CEP290: variants seen among roughly 807,000 people sequenced by gnomAD.
CEP290 encodes the protein centrosomal protein 290.
A neutral mutation model predicts 344.9 loss-of-function variants in CEP290; 317 were observed. That is an observed-to-expected ratio of 0.92 (90% CI 0.84 to 1.01). The LOEUF (loss-of-function observed/expected upper bound fraction) is 1.01, where lower values mean the gene tolerates loss of function less well. CEP290 is among the 50% of genes least tolerant of loss of function. CEP290 has a pLI of 0.00. For missense variants in CEP290, 2,754 were observed against 2,761.4 expected, an observed-to-expected ratio of 1.00 and a Z score of 0.06; for synonymous variants, 932 against 895.8, an observed-to-expected ratio of 1.04 and a Z score of -0.72.
chr12:88,090,695 G>C (rs1291896979), intron 30 of CEP290, 33 bp downstream of exon 30: 1 of 1,277,036 alleles, frequency 7.8e-7, no homozygotes, highest in African/African-American at 1.5e-5. Flanking sequence ...GAAAAAAGTG[G>C]ATTCTATGTA....
chr12:88,070,563 A>G (rs1017440014), intron 43 of CEP290, among the ~76,000 whole-genome samples: 3 of 152,144 alleles, frequency 2.0e-5, no homozygotes, highest in Non-Finnish European at 4.4e-5. Flanking sequence ...GGGAACTCAC[A>G]GAAGCTAATA....
At position 88,139,415 on chromosome 12, in the gene CEP290, A is replaced by G. The variant is rs1592700968; in HGVS notation, c.250+80T>C. 9.7e-6 allele frequency: 8 copies of G among 820,894 alleles called. No homozygotes were observed. In the East Asian group the frequency reaches 2.6e-4, roughly 26 times the overall value. 50.9% of individuals were successfully genotyped at this position (820,894 alleles called of 1,614,324 possible). A position where few individuals can be genotyped will look rare whatever the true frequency, so the allele number is the denominator to read the frequency against. On this transcript the variant is annotated intron_variant, in intron 4 of 53. Coordinates refer to ENST00000552810, the MANE Select transcript of CEP290 (RefSeq NM_025114.4). Reference sequence around the variant, plus strand: ...ACTGAATATATATATTTTATAGAATATAATTTAATTTTCTACAGTTTAATG... The same window carrying G: ...ACTGAATATATATATTTTATAGAATGTAATTTAATTTTCTACAGTTTAATG...
intron 40 of CEP290, 75 bp from the exon 41 acceptor site, chr12:88,077,419 A>T: frequency 1.0e-6 from 1 of 999,158 alleles, no homozygotes; most frequent in South Asian, 1.8e-5. Flanking sequence ...TTTCAATTAT[A>T]TAATAGCAAC....
intron 31 of CEP290, 29 bp downstream of exon 31, chr12:88,089,003 A>T: frequency 1.2e-6 from 1 of 830,238 alleles, no homozygotes; most frequent in Admixed American, 3.5e-5. Flanking sequence ...ACTGTCTCTT[A>T]AAAAAAAAAA....
intron 22 of CEP290, among the ~76,000 whole-genome samples, chr12:88,110,582 G>GC (rs1178460982): frequency 6.6e-6 from 1 of 152,026 alleles, no homozygotes; most frequent in Non-Finnish European, 1.5e-5. Flanking sequence ...AGGGATGCAT[G>GC]CCTGTAGTCC....
intron 33 of CEP290, 42 bp downstream of exon 33, chr12:88,086,349 A>C (rs1330462782): frequency 6.7e-7 from 1 of 1,503,232 alleles, no homozygotes; most frequent in African/African-American, 1.4e-5. Flanking sequence ...TTAACACTCT[A>C]GACTATGCTA....
rs750018041 is a variant in CEP290, at chr12:88,136,756, T to G, written c.328A>C (p.Thr110Pro). Residue 110 changes from threonine to proline, a missense_variant, in exon 6 of 54, where the codon ACT (threonine) becomes CCT (proline). Thr to Pro is a conservative substitution (Grantham distance 38, BLOSUM62 -1). Transcript: ENST00000552810. ...CAAATTTCATTACGTAAAAACCGAG[T>G]ATCTCGTCCACCTGCAGACTGCTGA... ...MAQQSAGGRD[T>P]RFLRNEICQL... 1 of 1,613,692 alleles carries G rather than the reference T, an allele frequency of 6.2e-7. No homozygotes were observed. Among genetic ancestry groups the G allele is most frequent in the African/African-American group, 1.3e-5 (1 of 75,022 alleles).
In CEP290 at chr12:88,055,566, C is replaced by T. The variant is rs75011402; in HGVS notation, c.6960+10G>A. The stretch of plus-strand genomic sequence containing the variant: ...TATTTTATCATGTAAAGAAAAATTA[C>T]GTTACTTACCTGTTGTTCAAGGTCT... On this transcript the variant is annotated intron_variant, in intron 50 of 53. Coordinates refer to ENST00000552810, the MANE Select transcript of CEP290 (RefSeq NM_025114.4). The T allele has an allele frequency of 5.5e-4, 858 of 1,553,506 alleles. 4 individuals are homozygous for T. The African/African-American group carries it at 9.7e-3, about 18-fold the overall frequency.
intron 44 of CEP290, among the ~76,000 whole-genome samples, chr12:88,067,690 G>C (rs926446469): frequency 1.3e-5 from 2 of 151,866 alleles, no homozygotes; most frequent in African/African-American, 4.8e-5. Context: ...ACCAACCTTA[G>C]GATCATGGTT....
intron 15 of CEP290, among the ~76,000 whole-genome samples, chr12:88,119,610 C>T (rs1421436514): frequency 6.6e-6 from 1 of 152,074 alleles, no homozygotes; most frequent in Non-Finnish European, 1.5e-5. Context: ...ACCAGCCTAG[C>T]CAACATGGTG....
intron 29 of CEP290, among the ~76,000 whole-genome samples, chr12:88,091,626 A>G (rs973665088): frequency 2.6e-5 from 4 of 152,116 alleles, no homozygotes; most frequent in African/African-American, 9.7e-5. Context: ...GAACTATTAT[A>G]AGTTAGTTTA....
At chr12:88,064,291 G>A (rs930315269) in intron 44 of CEP290, among the ~76,000 whole-genome samples, 176 bp from the exon 45 acceptor site, 1 of 20,592 alleles carries the variant, frequency 4.9e-5, no homozygotes, top group Non-Finnish European at 1.4e-4. Flanking sequence ...AAAACTTGCA[G>A]AACAAAGGTA....
At chr12:88,120,897 T>A in intron 14 of CEP290, 100 bp downstream of exon 14, 1 of 905,998 alleles carries the variant, frequency 1.1e-6, no homozygotes, top group Non-Finnish European at 1.6e-6. Context: ...AAGATACTTA[T>A]GGAATGTTTT....
intron 26 of CEP290, among the ~76,000 whole-genome samples, chr12:88,101,773 T>C (rs947134389): frequency 6.6e-6 from 1 of 152,120 alleles, no homozygotes; most frequent in African/African-American, 2.4e-5. Context: ...CCTAGGACTT[T>C]CTAATGCTGG....
chr12:88,118,527 A>T lies in CEP290; in HGVS notation c.1667T>A (p.Ile556Asn), dbSNP rs727503854. 139 of 1,505,696 alleles carry T rather than the reference A, an allele frequency of 9.2e-5. 1 individual carries two copies. The Admixed American group carries it at 1.2e-3, about 13-fold the overall frequency. 93.3% of individuals were successfully genotyped at this position (1,505,696 alleles called of 1,614,324 possible). Residue 556 changes from isoleucine to asparagine, a missense_variant, in exon 17 of 54, where the codon ATT becomes AAT. Coordinates refer to ENST00000552810, the MANE Select transcript of CEP290 (RefSeq NM_025114.4). ...TCCTCTTTCTTGAGCCATTTGACGAATTTTTTTTTTCAGATCAAGTCGTTC... is the reference window on the plus strand; with the variant it reads ...TCCTCTTTCTTGAGCCATTTGACGATTTTTTTTTTTCAGATCAAGTCGTTC... ...EEERLDLKKK[I>N]RQMAQERGKR...
In CEP290 at chr12:88,087,834, A is replaced by G; in HGVS notation, c.4140T>C (p.Ser1380=). The change falls in exon 32 of 54, where the codon TCT becomes TCC. Residue 1380 remains serine, a synonymous_variant. Transcript: ENST00000552810. ...EEIKYLNNII[S]EYERTISSLE... is the part of the protein sequence containing the mutation. The stretch of plus-strand genomic sequence containing the variant: ...GACTGCTGATTGTACGTTCATATTC[A>G]GAAATTATGTTATTCAAATATTTTA... The G allele has an allele frequency of 7.7e-7, 1 of 1,290,592 alleles. No homozygotes were observed. Among genetic ancestry groups the G allele is most frequent in the Non-Finnish European group, 1.0e-6 (1 of 1,002,354 alleles). The allele number at this position is 1,290,592 out of a possible 1,614,324, so 79.9% of individuals were successfully genotyped here. A position where few individuals can be genotyped will look rare whatever the true frequency, so the allele number is the denominator to read the frequency against.
At chr12:88,061,127 C>A in intron 46 of CEP290, 133 bp from the exon 47 acceptor site, 1 of 602,236 alleles carries the variant, frequency 1.7e-6, no homozygotes, top group Non-Finnish European at 2.6e-6. Context: ...TTCAATTCAT[C>A]CTTAAAACAA....
chr12:88,129,675 T>C lies in CEP290; in HGVS notation c.852+19A>G. On this transcript the variant is annotated intron_variant, in intron 10 of 53. Transcript: ENST00000552810. ...ATATGAAGTCTGAATAAATAAGTTA[T>C]TCTAAAAGTAATTCTTACTTGAAGT... The C allele has an allele frequency of 1.5e-6, 2 of 1,294,790 alleles. No individual in the cohort carries two copies. Among genetic ancestry groups the C allele is most frequent in the Non-Finnish European group, 1.1e-6 (1 of 943,646 alleles). The allele number at this position is 1,294,790 out of a possible 1,614,324, so 80.2% of individuals were successfully genotyped here.
chr12:88,101,480 CAAAAAAAAA>C, intron 26 of CEP290, among the ~76,000 whole-genome samples: 1 of 44,270 alleles, frequency 2.3e-5, no homozygotes, highest in Non-Finnish European at 4.5e-5. Flanking sequence ...GACTCTGCCT[CAAAAAAAAA>C]AAAAAAAAAA....
Sources: allele counts gnomAD v4.1 joint callset (sites outside exome capture counted in the v4.1 genomes callset), GRCh38; gene constraint gnomAD v4.1.1; transcripts MANE v1.5; gene names NCBI Gene and HGNC (gene_info 2026-07-23, HGNC 2026-07-21).